The following ROBO1 variants were observed in gnomAD, a reference collection of about 807,000 sequenced individuals.
ROBO1 encodes the protein roundabout homolog 1.
A neutral mutation model predicts 195.9 loss-of-function variants in ROBO1; 149 were observed. The observed-to-expected ratio is 0.76, with a 90% CI of 0.67 to 0.87. The LOEUF (loss-of-function observed/expected upper bound fraction) is 0.87. Ranked by LOEUF, ROBO1 falls within the 40% of genes least tolerant of loss-of-function variation. The pLI is 0.00. For missense variants in ROBO1, 1,933 were observed against 2,068.3 expected (o/e 0.93, Z 1.27); for synonymous variants, 816 against 733.2 (o/e 1.11, Z -1.82).
intron 3 of ROBO1, among the ~76,000 whole-genome samples, chr3:79,048,025 A>T (rs2078626946): frequency 6.6e-6 from 1 of 152,128 alleles, no homozygotes; most frequent in African/African-American, 2.4e-5. Flanking sequence ...AAATAGAAAC[A>T]GCCTTATTTC....
chr3:79,200,743 A>C (rs1483574368), intron 2 of ROBO1, among the ~76,000 whole-genome samples: 2 of 151,902 alleles, frequency 1.3e-5, no homozygotes, highest in East Asian at 3.9e-4. Context: ...TAACCAAACA[A>C]TGTTTAGTCA....
chr3:79,400,952 C>A (rs1022596663), intron 2 of ROBO1, among the ~76,000 whole-genome samples: 2 of 151,474 alleles, frequency 1.3e-5, no homozygotes, highest in African/African-American at 4.8e-5. Flanking sequence ...GAAACAGCAC[C>A]ATTAAAAATT....
At chr3:79,363,366 A>G (rs2035843594) in intron 2 of ROBO1, among the ~76,000 whole-genome samples, 2 of 152,226 alleles carry the variant, frequency 1.3e-5, no homozygotes, top group African/African-American at 4.8e-5. Flanking sequence ...GAAGAAAGAA[A>G]GAAATGGATG....
chr3:79,385,822 A>G (rs1283487588), intron 2 of ROBO1, among the ~76,000 whole-genome samples: 2 of 152,156 alleles, frequency 1.3e-5, no homozygotes, highest in African/African-American at 2.4e-5. Flanking sequence ...CTCAATGGAG[A>G]TAGTTTCAAG....
At chr3:78,767,998 C>T (rs1398408056) in intron 4 of ROBO1, among the ~76,000 whole-genome samples, 1 of 151,830 alleles carries the variant, frequency 6.6e-6, no homozygotes, top group East Asian at 1.9e-4. Flanking sequence ...TCTCTAGTTC[C>T]TTGAGGTGTG....
intron 2 of ROBO1, among the ~76,000 whole-genome samples, chr3:79,574,264 G>A (rs940556142): frequency 2.0e-5 from 3 of 151,740 alleles, no homozygotes; most frequent in Non-Finnish European, 2.9e-5. Context: ...TGGTTCCATT[G>A]CTTCTAATCT....
chr3:78,646,388 T>C (rs895584774), intron 20 of ROBO1, among the ~76,000 whole-genome samples, 198 bp from the exon 21 acceptor site: 31 of 150,416 alleles, frequency 2.1e-4, no homozygotes, highest in Non-Finnish European at 3.1e-4. Context: ...GATATACATA[T>C]CATATATCTA....
At chr3:78,860,313 T>TAC (rs1178301659) in intron 4 of ROBO1, among the ~76,000 whole-genome samples, 5 of 65,916 alleles carry the variant, frequency 7.6e-5, no homozygotes, top group Admixed American at 3.1e-4. Context: ...TATATATATA[T>TAC]ATATATATAT....
chr3:78,962,823 CAAAAAAAAA>C (rs770515270), intron 3 of ROBO1, among the ~76,000 whole-genome samples: 2 of 26,196 alleles, frequency 7.6e-5, no homozygotes, highest in South Asian at 1.8e-3. Context: ...GACTCCATCT[CAAAAAAAAA>C]AAAAAAAAAA....
At chr3:78,775,139 C>G (rs528664254) in intron 4 of ROBO1, among the ~76,000 whole-genome samples, 1 of 152,276 alleles carries the variant, frequency 6.6e-6, no homozygotes, top group East Asian at 1.9e-4. Flanking sequence ...CATGACAAAA[C>G]AAAGATGATC....
At chr3:79,730,663 T>G (rs1015028028) in intron 1 of ROBO1, among the ~76,000 whole-genome samples, 6 of 151,866 alleles carry the variant, frequency 4.0e-5, no homozygotes, top group African/African-American at 7.3e-5. Flanking sequence ...ACATCAGATC[T>G]CTAACATCTG....
intron 4 of ROBO1, among the ~76,000 whole-genome samples, chr3:78,844,632 C>CT (rs1200620207): frequency 6.6e-6 from 1 of 151,970 alleles, no homozygotes; most frequent in East Asian, 1.9e-4. Context: ...TCTCCCTGCT[C>CT]TTTTACCTCA....
intron 3 of ROBO1, among the ~76,000 whole-genome samples, chr3:78,964,704 A>C (rs1168274796): frequency 6.6e-6 from 1 of 152,180 alleles, no homozygotes; most frequent in African/African-American, 2.4e-5. Context: ...GAGGTCATAA[A>C]AATGAATAAG....
chr3:78,968,600 G>T (rs1296663581), intron 3 of ROBO1, among the ~76,000 whole-genome samples: 1 of 150,496 alleles, frequency 6.6e-6, no homozygotes. Context: ...CAACTCTTTG[G>T]TCTCCAAAAA....
chr3:79,661,257 CTGAT>C (rs1233146033), intron 1 of ROBO1, among the ~76,000 whole-genome samples: 5 of 152,044 alleles, frequency 3.3e-5, no homozygotes, highest in African/African-American at 1.2e-4. Flanking sequence ...AATCAAATGA[CTGAT>C]TGATGCAGAA....
chr3:78,677,552 C>A (rs1043823917), intron 10 of ROBO1, among the ~76,000 whole-genome samples: 4 of 151,584 alleles, frequency 2.6e-5, no homozygotes, highest in African/African-American at 9.7e-5. Context: ...GACTTTAAAC[C>A]AACAAAGATC....
intron 4 of ROBO1, among the ~76,000 whole-genome samples, chr3:78,797,572 A>T (rs2084223030): frequency 6.6e-6 from 1 of 152,174 alleles, no homozygotes; most frequent in South Asian, 2.1e-4. Flanking sequence ...TCCCAAGAGG[A>T]TATTTAATTA....
At chr3:78,599,230 T>C (rs1471859959) in intron 30 of ROBO1, among the ~76,000 whole-genome samples, 4 of 151,358 alleles carry the variant, frequency 2.6e-5, no homozygotes, top group Non-Finnish European at 1.5e-5. Context: ...CAAGTCAACA[T>C]TACAACTCTG....
chr3:78,946,132 G>C (rs531487294), intron 3 of ROBO1, among the ~76,000 whole-genome samples: 1 of 152,282 alleles, frequency 6.6e-6, no homozygotes, highest in South Asian at 2.1e-4. Context: ...CCCCAATCTA[G>C]CAAGGCAGGC....
Sources: allele counts gnomAD v4.1 joint callset (sites outside exome capture counted in the v4.1 genomes callset), GRCh38; gene constraint gnomAD v4.1.1; transcripts MANE v1.5; gene names NCBI Gene and HGNC (gene_info 2026-07-23, HGNC 2026-07-21).